Variants in DPP6 observed in about 807,000 individuals in gnomAD.
The protein encoded by DPP6 is A-type potassium channel modulatory protein DPP6.
A neutral mutation model predicts 122.6 loss-of-function variants in DPP6; 69 were observed. The ratio of observed to expected loss-of-function variants is 0.56; its 90% CI spans 0.46 to 0.69. DPP6 has a LOEUF of 0.69. Ranked by LOEUF, DPP6 falls within the 30% of genes least tolerant of loss-of-function variation. The probability of loss-of-function intolerance (pLI) is 0.00; values close to 1 mark genes in which losing one functional copy is unlikely to be tolerated. For missense variants in DPP6, 928 were observed against 1,116.9 expected (o/e 0.83, Z 2.41); for synonymous variants, 418 against 433.1 (o/e 0.97, Z 0.43).
At chr7:154,435,440 C>T (rs746448264) in intron 1 of DPP6, among the ~76,000 whole-genome samples, 1 of 152,186 alleles carries the variant, frequency 6.6e-6, no homozygotes, top group Non-Finnish European at 1.5e-5. Flanking sequence ...TGGAACCATG[C>T]AGAGTCCTGC....
intron 6 of DPP6, among the ~76,000 whole-genome samples, chr7:154,640,881 C>T (rs566825412): frequency 1.3e-5 from 2 of 152,110 alleles, no homozygotes; most frequent in Non-Finnish European, 2.9e-5. Flanking sequence ...CTCATCTTTC[C>T]TTTCCTCGCT....
At chr7:154,344,546 G>C (rs184696304) in intron 1 of DPP6, among the ~76,000 whole-genome samples, 45 of 152,224 alleles carry the variant, frequency 3.0e-4, no homozygotes, top group African/African-American at 1.1e-3. Flanking sequence ...ACCAGGGAAA[G>C]GTTTTAACAA....
At chr7:154,589,516 C>T (rs1039438401) in intron 5 of DPP6, among the ~76,000 whole-genome samples, 16 of 152,220 alleles carry the variant, frequency 1.1e-4, no homozygotes, top group African/African-American at 3.6e-4. Context: ...GTGTCCACTG[C>T]GCTTTCTGCA....
chr7:153,821,304 G>T, the DPP6 span, among the ~76,000 whole-genome samples: 4 of 148,438 alleles, frequency 2.7e-5, no homozygotes, highest in African/African-American at 9.9e-5. Flanking sequence ...GTGCAGAGTA[G>T]AAAACTACAA....
At chr7:153,855,617 T>A in the DPP6 span, among the ~76,000 whole-genome samples, 1 of 152,172 alleles carries the variant, frequency 6.6e-6, no homozygotes, top group Non-Finnish European at 1.5e-5. Flanking sequence ...AGACAGAGAT[T>A]TCTAGTCTTA....
At chr7:154,809,973 G>A (rs549297419) in intron 16 of DPP6, among the ~76,000 whole-genome samples, 67 of 152,274 alleles carry the variant, frequency 4.4e-4, no homozygotes, top group African/African-American at 1.5e-3. Flanking sequence ...GGTTTCAAGC[G>A]ATTCTCCTGC....
At chr7:154,518,549 C>T (rs2129928745) in intron 3 of DPP6, among the ~76,000 whole-genome samples, 1 of 152,200 alleles carries the variant, frequency 6.6e-6, no homozygotes, top group African/African-American at 2.4e-5. Context: ...GTGTCCTAGT[C>T]CAGATGATGA....
chr7:154,218,670 C>A (rs561852917), intron 1 of DPP6, among the ~76,000 whole-genome samples: 4 of 152,276 alleles, frequency 2.6e-5, no homozygotes, highest in South Asian at 2.1e-4. Flanking sequence ...TCATCATTTT[C>A]CTTGTCTTCC....
intron 1 of DPP6, among the ~76,000 whole-genome samples, chr7:153,924,057 GTC>G (rs1253094206): frequency 6.6e-6 from 1 of 152,056 alleles, no homozygotes; most frequent in African/African-American, 2.4e-5. Context: ...TGGTTATGCA[GTC>G]TCTCTGTTAG....
intron 1 of DPP6, among the ~76,000 whole-genome samples, chr7:153,944,749 A>G (rs1240185254): frequency 7.2e-6 from 1 of 138,148 alleles, no homozygotes; most frequent in African/African-American, 2.7e-5. Context: ...TCCCACCTCA[A>G]CCTCTTGAGT....
the DPP6 span, among the ~76,000 whole-genome samples, chr7:153,781,871 T>A: frequency 2.0e-5 from 3 of 151,848 alleles, no homozygotes; most frequent in African/African-American, 7.3e-5. Context: ...TTATGAGATG[T>A]TGTTACTGTT....
rs549811683 is a variant in DPP6 at position 154,455,108 on chromosome 7, G to T, written c.358+8780G>T. Among the ~76,000 whole-genome samples the T allele has an allele frequency of 4.6e-5, 7 of 152,220 alleles. No individual in the cohort carries two copies. The East Asian group carries it at 1.4e-3, about 29-fold the overall frequency. On this transcript the variant is annotated intron_variant, in intron 2 of 25. Coordinates refer to ENST00000377770, the MANE Select transcript of DPP6 (RefSeq NM_130797.4). ...AGTATGTCGACAACATGGTTGTGAC[G>T]GCTTCATGCTTCACTCGCCCACACG...
intron 1 of DPP6, among the ~76,000 whole-genome samples, chr7:154,402,775 A>C (rs1815748859): frequency 6.8e-6 from 1 of 147,618 alleles, no homozygotes; most frequent in Non-Finnish European, 1.5e-5. Flanking sequence ...AAAAGAAAAA[A>C]ATAAAAATAA....
intron 16 of DPP6, among the ~76,000 whole-genome samples, chr7:154,810,032 T>C (rs1341921741): frequency 6.6e-6 from 1 of 152,222 alleles, no homozygotes; most frequent in East Asian, 1.9e-4. Context: ...ATTTTTGTAT[T>C]TTTAGTAAAG....
At chr7:154,324,433 C>T (rs1001025610) in intron 1 of DPP6, among the ~76,000 whole-genome samples, 1 of 152,218 alleles carries the variant, frequency 6.6e-6, no homozygotes, top group Non-Finnish European at 1.5e-5. Context: ...CTCTGGACTT[C>T]TCTGGGGCCC....
At chr7:154,340,056 G>A (rs971730761) in intron 1 of DPP6, among the ~76,000 whole-genome samples, 5 of 152,024 alleles carry the variant, frequency 3.3e-5, no homozygotes, top group African/African-American at 1.2e-4. Flanking sequence ...CTGGGTGACA[G>A]AGCAAGACTC....
chr7:154,154,841 C>G (rs932428089), intron 1 of DPP6, among the ~76,000 whole-genome samples: 5 of 152,208 alleles, frequency 3.3e-5, no homozygotes, highest in Non-Finnish European at 7.3e-5. Context: ...GAAGGAGTGT[C>G]GAGCTCACGA....
At chr7:154,788,228 G>A (rs978008834) in intron 10 of DPP6, among the ~76,000 whole-genome samples, 1 of 152,132 alleles carries the variant, frequency 6.6e-6, no homozygotes, top group African/African-American at 2.4e-5. Flanking sequence ...CGGATCAGTT[G>A]AAGTCAGGAG....
intron 1 of DPP6, among the ~76,000 whole-genome samples, chr7:153,963,176 A>AG (rs1275041446): frequency 1.3e-5 from 2 of 152,236 alleles, no homozygotes; most frequent in East Asian, 3.9e-4. Flanking sequence ...TGAGGGTAGG[A>AG]GGGAAGGTGA....
Sources: gnomAD v4.1 joint callset for allele counts (sites outside exome capture counted in the v4.1 genomes callset) on GRCh38, gnomAD v4.1.1 for gene constraint, MANE v1.5 for transcripts, NCBI Gene and HGNC (gene_info 2026-07-23, HGNC 2026-07-21) for gene names.